PDE4A: variants seen among roughly 807,000 people sequenced by gnomAD.
The protein encoded by PDE4A is 3',5'-cyclic-AMP phosphodiesterase 4A.
A neutral mutation model predicts 73.9 loss-of-function variants in PDE4A; 21 were observed. That is an observed-to-expected ratio of 0.28 (90% confidence interval 0.20 to 0.41). The LOEUF is 0.41. PDE4A is among the 10% of genes least tolerant of loss of function. The pLI is 1.00. For synonymous variants in PDE4A, 463 were observed against 505.4 expected (o/e 0.92, Z 1.13); for missense variants, 958 against 1,211.4 (o/e 0.79, Z 3.10).
At chr19:10,444,046 G>C (rs1406198819) in intron 1 of PDE4A, among the ~76,000 whole-genome samples, 2 of 151,302 alleles carry the variant, frequency 1.3e-5, no homozygotes, top group African/African-American at 4.9e-5. Context: ...TGTCAAGTAA[G>C]TAGTGGGATT....
At position 10,467,686 on chromosome 19, in the gene PDE4A, T is replaced by C; in HGVS notation, c.*65T>C. 8.1e-7 allele frequency: 1 copy of C among 1,235,542 alleles called. No individual in the cohort carries two copies. The highest frequency in any genetic ancestry group is 1.1e-6 in the Non-Finnish European group (1 of 888,650). The allele number at this position is 1,235,542 out of a possible 1,614,324, so 76.5% of individuals were successfully genotyped here. A position where few individuals can be genotyped will look rare whatever the true frequency, so the allele number is the denominator to read the frequency against. On this transcript the variant is annotated 3_prime_UTR_variant, in exon 15 of 15. Coordinates refer to ENST00000380702, the MANE Select transcript of PDE4A (RefSeq NM_001111307.2). ...TCACTCCCCTGCTCCCCCGACCACC[T>C]CCTCCTCTGCCTCAAAGACTCTTGT...
intron 1 of PDE4A, chr19:10,421,369 G>A: frequency 1.0e-6 from 1 of 982,614 alleles, no homozygotes; most frequent in Non-Finnish European, 1.2e-6. Flanking sequence ...TTAGGGGTCT[G>A]TATTCTTGGT....
upstream of PDE4A, chr19:10,417,705 G>A (rs2042601473): frequency 6.3e-7 from 1 of 1,594,800 alleles, no homozygotes; most frequent in African/African-American, 1.3e-5. Flanking sequence ...CATGCTGGGG[G>A]CCGACCTGCG....
Position 10,432,185 on chromosome 19 carries a change from G to T in PDE4A, c.320+11101G>T, listed in dbSNP as rs915028827. 4.0e-3 allele frequency among the ~76,000 whole-genome samples: 570 copies of T among 142,536 alleles called. 44 individuals are homozygous for T. The highest frequency in any genetic ancestry group is 0.014 in the African/African-American group (549 of 39,644). The allele number at this position is 142,536 out of a possible 152,430, so 93.5% of individuals were successfully genotyped here. On this transcript the variant is annotated intron_variant, in intron 1 of 14. Transcript: ENST00000380702. ...CCTAGGAGGGAGGAGACGGGGGGGG[G>T]GGGGGGAAGTGTGCGTCCGACTCCG...
At chr19:10,465,346 G>A (rs140282815) in intron 14 of PDE4A, among the ~76,000 whole-genome samples, 1,766 of 151,628 alleles carry the variant, frequency 0.012, 34 homozygotes, top group African/African-American at 0.041. Context: ...TCAGCCTCCC[G>A]AGAAGCTGGA....
chr19:10,461,348 G>C, intron 11 of PDE4A, 178 bp from the exon 12 acceptor site: 1 of 929,850 alleles, frequency 1.1e-6, no homozygotes, highest in South Asian at 5.0e-5. Flanking sequence ...AGGAGGCGGG[G>C]CTGGGGGCGG....
chr19:10,448,213 C>T (rs2043039757), intron 2 of PDE4A, among the ~76,000 whole-genome samples: 2 of 151,614 alleles, frequency 1.3e-5, no homozygotes, highest in Admixed American at 1.3e-4. Context: ...GATTCTCCTG[C>T]CTCAGCCTCC....
In PDE4A at chr19:10,456,532, A is replaced by AAAAT. The variant is rs1346626011; in HGVS notation, c.878-1325_878-1322dup. Among the ~76,000 whole-genome samples, 382 of 149,056 alleles carry AAAAT rather than the reference A, an allele frequency of 2.6e-3. 2 individuals are homozygous for AAAAT. Among genetic ancestry groups the AAAAT allele is most frequent in the Non-Finnish European group, 4.2e-3 (286 of 67,466 alleles). On this transcript the variant is annotated intron_variant, in intron 7 of 14. Transcript: ENST00000380702. ...CAGAGTGAGACTCCATCTCAAAAAAAAAATAAATAAATAAATAAATAAATA... is the reference window on the plus strand; with the variant it reads ...CAGAGTGAGACTCCATCTCAAAAAAAAAATAAATAAATAAATAAATAAATAAATA...
At position 10,453,008 on chromosome 19, in the gene PDE4A, A is replaced by AC. The variant is rs1393843291; in HGVS notation, c.784-1815dup. The AC allele has an allele frequency of 4.6e-6, 6 of 1,297,542 alleles. No individual in the cohort carries two copies. The highest frequency in any genetic ancestry group is 1.6e-5 in the African/African-American group (1 of 64,018). The allele number at this position is 1,297,542 out of a possible 1,614,324, so 80.4% of individuals were successfully genotyped here. ...CCCTGCCCCCCTCCCATGGGCACGG[A>AC]CCCCCCACCGCCTCCACCCACTGCC... is the stretch of plus-strand genomic sequence containing the variant. On this transcript the variant is annotated intron_variant, in intron 6 of 14. Transcript: ENST00000380702. This position sits in a 1 kb window ranked among gnomAD's most constrained non-coding sequence, Gnocchi z 4.6.
At chr19:10,457,352 G>A (rs926168392) in intron 7 of PDE4A, among the ~76,000 whole-genome samples, 10 of 149,690 alleles carry the variant, frequency 6.7e-5, no homozygotes, top group Non-Finnish European at 1.2e-4. Flanking sequence ...GGTGACCTTG[G>A]CTCAGCTCTG....
chr19:10,448,724 T>G (rs1385694178), intron 2 of PDE4A, 193 bp from the exon 3 acceptor site: 1 of 716,840 alleles, frequency 1.4e-6, no homozygotes, highest in Non-Finnish European at 1.7e-6. Flanking sequence ...TGAGCCACAC[T>G]CCTTGACTGC....
intron 1 of PDE4A, among the ~76,000 whole-genome samples, chr19:10,443,544 C>CAAAA (rs58920826): frequency 8.3e-6 from 1 of 120,968 alleles, no homozygotes; most frequent in Admixed American, 9.2e-5. Context: ...GACCCTGTCT[C>CAAAA]AAAAAAAAAA....
At chr19:10,426,317 G>A (rs1018581891) in intron 1 of PDE4A, among the ~76,000 whole-genome samples, 5 of 152,322 alleles carry the variant, frequency 3.3e-5, no homozygotes, top group East Asian at 1.9e-4. Flanking sequence ...TGAGAATGCT[G>A]TAGACCAAGT....
chr19:10,428,860 C>T (rs897719866), intron 1 of PDE4A: 2 of 985,252 alleles, frequency 2.0e-6, no homozygotes, highest in Non-Finnish European at 2.4e-6. Context: ...CTGTTGGGCG[C>T]AGTGGCTCAC....
Position 10,459,518 on chromosome 19 carries a change from G to T in PDE4A, c.1200+20G>T, listed in dbSNP as rs531068931. The T allele has an allele frequency of 2.5e-6, 4 of 1,612,008 alleles. No homozygotes were observed. Among genetic ancestry groups the T allele is most frequent in the Non-Finnish European group, 3.4e-6 (4 of 1,178,334 alleles). ...TTCCAGGTGATGGGGACAGCTGGGAGTGGGCCCGGGTGAGGGGCTCATAGC... is the reference window on the plus strand; with the variant it reads ...TTCCAGGTGATGGGGACAGCTGGGATTGGGCCCGGGTGAGGGGCTCATAGC... On this transcript the variant is annotated intron_variant, in intron 9 of 14. Transcript: ENST00000380702.
chr19:10,453,217 A>G lies in PDE4A; in HGVS notation c.784-1612A>G, dbSNP rs941150300. ...TGGTTGTTAACCCCGGGACTCCCCA[A>G]GCCCAGCCTCTGTGTGCAGCAGCCC... On this transcript the variant is annotated intron_variant, in intron 6 of 14. Coordinates refer to ENST00000380702, the MANE Select transcript of PDE4A (RefSeq NM_001111307.2). The surrounding 1 kb of genome is among the most constrained non-coding windows in gnomAD (Gnocchi z 4.6). 5.7e-6 allele frequency: 9 copies of G among 1,579,890 alleles called. No individual in the cohort carries two copies. The highest frequency in any genetic ancestry group is 7.7e-6 in the Non-Finnish European group (9 of 1,163,138).
At chr19:10,446,994 G>T (rs1230783861) in intron 2 of PDE4A, among the ~76,000 whole-genome samples, 1 of 150,206 alleles carries the variant, frequency 6.7e-6, no homozygotes, top group East Asian at 1.9e-4. Context: ...CTCCTCCCAG[G>T]TTCACGCCAT....
chr19:10,432,303 G>T, intron 1 of PDE4A: 1 of 1,188,172 alleles, frequency 8.4e-7, no homozygotes, highest in Non-Finnish European at 1.1e-6. Flanking sequence ...GGCTGTCCCT[G>T]GGGGGGTCAC....
Position 10,420,968 on chromosome 19 carries a change from C to G in PDE4A, c.204C>G (p.Ala68=), listed in dbSNP as rs1356403479. ...ERQPHRPIER[A]DAMDTSDRPG... ...AGCCGCACCGGCCCATAGAGCGCGC[C>G]GATGCCATGGACACCAGCGACCGGC... Residue 68 remains alanine, a synonymous_variant, in exon 1 of 15, where the codon GCC becomes GCG. Coordinates refer to ENST00000380702, the MANE Select transcript of PDE4A (RefSeq NM_001111307.2). The surrounding 1 kb of genome is among the most constrained non-coding windows in gnomAD (Gnocchi z 6.0). 1.3e-6 allele frequency: 2 copies of G among 1,554,382 alleles called. No individual in the cohort carries two copies. The highest frequency in any genetic ancestry group is 1.7e-6 in the Non-Finnish European group (2 of 1,159,264).
Sources: allele counts gnomAD v4.1 joint callset (sites outside exome capture counted in the v4.1 genomes callset), GRCh38; gene constraint gnomAD v4.1.1; non-coding constraint Gnocchi (gnomAD v3.1); transcripts MANE v1.5; gene names NCBI Gene and HGNC (gene_info 2026-07-23, HGNC 2026-07-21).